The following PACRG variants were observed in gnomAD, a reference collection of about 807,000 sequenced individuals.
PACRG encodes parkin coregulated.
Under a neutral mutation model 29.7 loss-of-function variants are expected in PACRG, and 29 were observed. The ratio of observed to expected loss-of-function variants is 0.98; its 90% CI spans 0.73 to 1.33. The LOEUF (loss-of-function observed/expected upper bound fraction) is 1.33. Ranked by LOEUF, PACRG falls within the 40% of genes most tolerant of loss-of-function variation. The pLI is 0.00. For synonymous variants in PACRG, 116 were observed against 118.7 expected (o/e 0.98, Z 0.15); for missense variants, 279 against 316.2 (o/e 0.88, Z 0.89).
chr6:163,266,491 GAAATGTGTGGAAC>G (rs1326683433), intron 4 of PACRG, among the ~76,000 whole-genome samples: 1 of 152,188 alleles, frequency 6.6e-6, no homozygotes, highest in African/African-American at 2.4e-5. Context: ...GAACTTTGGG[GAAATGTGTGGAAC>G]AGATGTGTGG....
At chr6:162,921,904 A>G (rs1293946130) in intron 2 of PACRG, among the ~76,000 whole-genome samples, 3 of 152,122 alleles carry the variant, frequency 2.0e-5, no homozygotes, top group Non-Finnish European at 4.4e-5. Flanking sequence ...GGACTGCTGA[A>G]AGCCAGAGGC....
chr6:163,177,709 G>GGTTTTTTTTTTTTTTT (rs1562951194), intron 4 of PACRG, among the ~76,000 whole-genome samples: 1 of 33,648 alleles, frequency 3.0e-5, no homozygotes, highest in Non-Finnish European at 6.5e-5. Flanking sequence ...TTAGAAAAGG[G>GGTTTTTTTTTTTTTTT]ATTTTTTTTT....
At chr6:163,271,892 C>T (rs1390648692) in intron 4 of PACRG, among the ~76,000 whole-genome samples, 1 of 152,170 alleles carries the variant, frequency 6.6e-6, no homozygotes, top group Middle Eastern at 3.2e-3. Context: ...CTCAGTTTCC[C>T]TGATCCCAGA....
chr6:162,762,194 G>A (rs903947035), intron 1 of PACRG, among the ~76,000 whole-genome samples: 3 of 152,266 alleles, frequency 2.0e-5, no homozygotes, highest in Admixed American at 6.5e-5. Flanking sequence ...GGAGGAAGGA[G>A]AACTTAATCC....
chr6:162,787,522 T>C (rs1217444391), intron 1 of PACRG, among the ~76,000 whole-genome samples: 1 of 144,886 alleles, frequency 6.9e-6, no homozygotes, highest in African/African-American at 2.5e-5. Context: ...TGTGTGTATA[T>C]GTGTGTGTGT....
intron 4 of PACRG, among the ~76,000 whole-genome samples, chr6:163,167,977 A>G (rs906404562): frequency 6.6e-6 from 1 of 152,230 alleles, no homozygotes; most frequent in South Asian, 2.1e-4. Context: ...TAGGTTTCCA[A>G]TTGAACATAG....
At chr6:163,170,214 G>A (rs913715252) in intron 4 of PACRG, among the ~76,000 whole-genome samples, 1 of 152,128 alleles carries the variant, frequency 6.6e-6, no homozygotes, top group Non-Finnish European at 1.5e-5. Context: ...ACTGCTGGAG[G>A]AAGAGGAGGC....
At chr6:162,950,619 C>T (rs935231635) in intron 2 of PACRG, among the ~76,000 whole-genome samples, 15 of 152,218 alleles carry the variant, frequency 9.9e-5, no homozygotes, top group African/African-American at 3.1e-4. Flanking sequence ...TTTGGATATA[C>T]GTTCATGATT....
chr6:162,844,106 T>A (rs1267482635), intron 2 of PACRG, among the ~76,000 whole-genome samples: 2 of 142,634 alleles, frequency 1.4e-5, no homozygotes, highest in African/African-American at 2.7e-5. Flanking sequence ...CAGGCCTCCT[T>A]GAGCTGTGGT....
At chr6:163,060,592 C>A (rs1427097016) in intron 2 of PACRG, among the ~76,000 whole-genome samples, 1 of 152,186 alleles carries the variant, frequency 6.6e-6, no homozygotes, top group Non-Finnish European at 1.5e-5. Context: ...AGGATCTGGA[C>A]ATTGCCTCTT....
chr6:162,812,955 A>T (rs1359427612), intron 1 of PACRG, among the ~76,000 whole-genome samples: 2 of 152,042 alleles, frequency 1.3e-5, no homozygotes, highest in Non-Finnish European at 2.9e-5. Flanking sequence ...AGTAAATTCT[A>T]AACTCTAATA....
At chr6:163,176,252 A>G (rs1779353742) in intron 4 of PACRG, among the ~76,000 whole-genome samples, 1 of 152,228 alleles carries the variant, frequency 6.6e-6, no homozygotes, top group Admixed American at 6.5e-5. Context: ...CAAAGATACT[A>G]ACACTTCACT....
intron 2 of PACRG, among the ~76,000 whole-genome samples, chr6:163,059,083 A>G (rs1261585623): frequency 4.0e-5 from 6 of 151,492 alleles, no homozygotes; most frequent in Admixed American, 1.3e-4. Context: ...CCATCTCAAA[A>G]AAAAAAAAAA....
chr6:162,910,263 G>A (rs1796217620), intron 2 of PACRG, among the ~76,000 whole-genome samples: 3 of 152,154 alleles, frequency 2.0e-5, no homozygotes, highest in African/African-American at 7.2e-5. Flanking sequence ...CTAAAATGGG[G>A]AGCTACTATT....
chr6:163,062,270 G>A lies in PACRG; in HGVS notation c.412G>A (p.Gly138Ser), dbSNP rs752973621. The change falls in exon 3 of 5, where the codon GGT (glycine) becomes AGT (serine). Residue 138 changes from glycine to serine, a missense_variant. Physicochemically the swap from Gly to Ser is moderately conservative, Grantham distance 56. Transcript: ENST00000366888. ...RQGIHDMLEH[G>S]GNKILPVLPQ... ...AGGAATCCACGACATGCTGGAACAC[G>A]GTGGGAACAAGATCCTACCTGTCCT... 1.1e-5 allele frequency: 18 copies of A among 1,613,960 alleles called. No individual in the cohort carries two copies. The East Asian group carries it at 2.2e-4, about 20-fold the overall frequency.
At chr6:162,747,277 C>T (rs889020442) in intron 1 of PACRG, among the ~76,000 whole-genome samples, 5 of 140,762 alleles carry the variant, frequency 3.6e-5, no homozygotes, top group Non-Finnish European at 7.6e-5. Flanking sequence ...AGAACAACAT[C>T]GGACTCTAAG....
chr6:163,119,262 G>A (rs982412501), intron 4 of PACRG, among the ~76,000 whole-genome samples: 2 of 152,228 alleles, frequency 1.3e-5, no homozygotes, highest in African/African-American at 2.4e-5. Flanking sequence ...CATGAGATAT[G>A]CGAGCACGCT....
intron 4 of PACRG, among the ~76,000 whole-genome samples, chr6:163,280,066 C>A (rs1486242838): frequency 2.6e-5 from 4 of 152,234 alleles, no homozygotes; most frequent in Non-Finnish European, 5.9e-5. Flanking sequence ...TCTGCTGCCA[C>A]CTGGCCAGCT....
At chr6:163,202,957 C>T (rs1194841840) in intron 4 of PACRG, among the ~76,000 whole-genome samples, 2 of 152,068 alleles carry the variant, frequency 1.3e-5, no homozygotes, top group African/African-American at 4.8e-5. Context: ...TCTCCAAAAA[C>T]AAGTTTTAGA....
Sources: allele counts gnomAD v4.1 joint callset (sites outside exome capture counted in the v4.1 genomes callset), GRCh38; gene constraint gnomAD v4.1.1; transcripts MANE v1.5; gene names NCBI Gene and HGNC (gene_info 2026-07-23, HGNC 2026-07-21).